LIMK1: variants seen among roughly 807,000 people sequenced by gnomAD.
LIMK1 encodes LIM motif-containing protein kinase.
LIMK1 carries 21 observed loss-of-function variants against 77.6 expected under a neutral mutation model. That is an observed-to-expected ratio of 0.27 (90% CI 0.19 to 0.39). The LOEUF (loss-of-function observed/expected upper bound fraction) is 0.39, where lower values mean the gene tolerates loss of function less well. Ranked by LOEUF, LIMK1 falls within the 10% of genes least tolerant of loss-of-function variation. The pLI is 1.00. For missense variants in LIMK1, 696 were observed against 901.6 expected, an observed-to-expected ratio of 0.77 and a Z score of 2.92; for synonymous variants, 358 against 370.0, an observed-to-expected ratio of 0.97 and a Z score of 0.37.
chr7:74,105,308 G>A (rs1258092227), intron 5 of LIMK1, among the ~76,000 whole-genome samples: 5 of 152,022 alleles, frequency 3.3e-5, no homozygotes, highest in East Asian at 1.9e-4. Context: ...TCAGGAGTTC[G>A]AGACCAGCCT....
chr7:74,106,198 C>T lies in LIMK1; in HGVS notation c.836C>T (p.Thr279Ile). Residue 279 changes from threonine to isoleucine, a missense_variant, in exon 7 of 16, where the codon ACT (threonine) becomes ATT (isoleucine). Thr to Ile is a moderately conservative substitution (Grantham distance 89). This residue lies in a region of LIMK1 where 438 missense variants were observed against 602.3 expected (regional missense o/e 0.73). Coordinates refer to ENST00000336180, the MANE Select transcript of LIMK1 (RefSeq NM_002314.4). Reference protein sequence around the residue: ...ETSPLSSPAYTPSGEAGSSAR... With the variant: ...ETSPLSSPAYIPSGEAGSSAR... Reference sequence around the variant, plus strand: ...AGCCCCCTGAGCTCTCCGGCTTATACTCCCAGCGGGGAGGCGGGCAGCTCT... The same window carrying T: ...AGCCCCCTGAGCTCTCCGGCTTATATTCCCAGCGGGGAGGCGGGCAGCTCT... The T allele has an allele frequency of 6.2e-7, 1 of 1,613,920 alleles. No homozygotes were observed. The highest frequency in any genetic ancestry group is 1.1e-5 in the South Asian group (1 of 91,086).
At chr7:74,117,659 C>T (rs1476483909) in intron 13 of LIMK1, among the ~76,000 whole-genome samples, 1 of 152,110 alleles carries the variant, frequency 6.6e-6, no homozygotes, top group Non-Finnish European at 1.5e-5. Flanking sequence ...TTAAATTAGC[C>T]TGGCATGTGG....
chr7:74,109,057 G>GCCACC, intron 10 of LIMK1, 21 bp downstream of exon 10: 2 of 1,592,742 alleles, frequency 1.3e-6, no homozygotes, highest in Non-Finnish European at 1.7e-6. Flanking sequence ...GGCAGAGCCA[G>GCCACC]CCACCCCCGC....
chr7:74,112,324 A>C (rs1799716223), intron 12 of LIMK1, among the ~76,000 whole-genome samples: 1 of 152,162 alleles, frequency 6.6e-6, no homozygotes, highest in African/African-American at 2.4e-5. Context: ...AGCACAGCCC[A>C]TGGCAGAGTG....
intron 2 of LIMK1, among the ~76,000 whole-genome samples, chr7:74,092,700 G>A (rs544526987): frequency 6.6e-6 from 1 of 152,326 alleles, no homozygotes; most frequent in South Asian, 2.1e-4. Flanking sequence ...CAGCTGGGTG[G>A]GCTGGCCCTG....
rs905638301 is a variant in LIMK1 at position 74,121,283 on chromosome 7, C to T, written c.1926C>T (p.His642=). ...GCGGCGAGAGCGGACTGCCTGCCCA[C>T]CCTGAGGTCCCCGACTGAGCCAGGG... ...YRRGESGLPA[H]PEVPD The change falls in exon 16 of 16, where the codon CAC becomes CAT. Residue 642 remains histidine (H), a synonymous_variant. Coordinates refer to ENST00000336180, the MANE Select transcript of LIMK1 (RefSeq NM_002314.4). The T allele has an allele frequency of 1.9e-6, 3 of 1,602,186 alleles. No individual in the cohort carries two copies. The highest frequency in any genetic ancestry group is 2.7e-5 in the African/African-American group (2 of 74,828).
At chr7:74,108,822 G>C in intron 9 of LIMK1, 83 bp from the exon 10 acceptor site, 1 of 1,552,434 alleles carries the variant, frequency 6.4e-7, no homozygotes, top group Non-Finnish European at 8.7e-7. Context: ...TACAGCCCCT[G>C]GTGGGATGGA....
At chr7:74,106,846 G>A (rs1799584376) in intron 7 of LIMK1, among the ~76,000 whole-genome samples, 164 bp from the exon 8 acceptor site, 1 of 152,236 alleles carries the variant, frequency 6.6e-6, no homozygotes. Context: ...CGAGACACTG[G>A]GATGGGCAGC....
chr7:74,099,799 A>T (rs1282317495), intron 5 of LIMK1, among the ~76,000 whole-genome samples: 4 of 151,954 alleles, frequency 2.6e-5, no homozygotes, highest in Non-Finnish European at 5.9e-5. Context: ...GTCTGATCCA[A>T]CAAGAAAGAG....
chr7:74,090,015 A>T lies in LIMK1; in HGVS notation c.152+4171A>T. On this transcript the variant is annotated intron_variant, in intron 2 of 15. Coordinates refer to ENST00000336180, the MANE Select transcript of LIMK1 (RefSeq NM_002314.4). ...CCTGTCCCAAATCACTCACCAGGAG[A>T]GGGGTGAGTCCCCAGGTCAGGGCAG... Among the ~76,000 whole-genome samples, 2 of 151,972 alleles carry T rather than the reference A, an allele frequency of 1.3e-5. 1 individual carries two copies. The highest frequency in any genetic ancestry group is 4.8e-5 in the African/African-American group (2 of 41,354).
In LIMK1 at chr7:74,096,666, A is replaced by C. The variant is rs143058870; in HGVS notation, c.197A>C (p.Lys66Thr). The change falls in exon 3 of 16, where the codon AAG becomes ACG. Residue 66 changes from lysine (K) to threonine (T), a missense_variant. Coordinates refer to ENST00000336180, the MANE Select transcript of LIMK1 (RefSeq NM_002314.4). ...TCCCTGTCGCACCAGTACTATGAGAAGGATGGGCAGCTCTTCTGCAAGAAG... is the reference window on the plus strand; with the variant it reads ...TCCCTGTCGCACCAGTACTATGAGACGGATGGGCAGCTCTTCTGCAAGAAG... ...SASLSHQYYE[K>T]DGQLFCKKDY... The C allele has an allele frequency of 4.7e-4, 764 of 1,613,962 alleles. 6 individuals are homozygous for C. Among genetic ancestry groups the C allele is most frequent in the Non-Finnish European group, 8.2e-5 (97 of 1,180,026 alleles).
rs377651618 is a variant in LIMK1 at position 74,116,713 on chromosome 7, TC to T, written c.1567+756del. On this transcript the variant is annotated intron_variant, in intron 13 of 15. Coordinates refer to ENST00000336180, the MANE Select transcript of LIMK1 (RefSeq NM_002314.4). ...GCTCTAACCTTCCTCCTTTTTTTTT[TC>T]TTTTTTAAAGAGGGTCTCGCTCTGT... 3.8e-3 allele frequency among the ~76,000 whole-genome samples: 549 copies of T among 142,796 alleles called. 10 individuals carry two copies. The highest frequency in any genetic ancestry group is 4.1e-3 in the Admixed American group (58 of 14,012). 93.7% of individuals were successfully genotyped at this position (142,796 alleles called of 152,430 possible). A position where few individuals can be genotyped will look rare whatever the true frequency, so the allele number is the denominator to read the frequency against.
Position 74,121,365 on chromosome 7 carries a change from G to A in LIMK1, c.*64G>A, listed in dbSNP as rs75206761. On this transcript the variant is annotated 3_prime_UTR_variant, in exon 16 of 16. Transcript: ENST00000336180. ...GAATCCACCCCCACCAGATTCCTCC[G>A]CGGGAGGTGGCCCTCAGCTGGGACA... 2.8e-3 allele frequency: 3,958 copies of A among 1,425,258 alleles called. 105 individuals are homozygous for A. The Admixed American group carries it at 0.06, about 22-fold the overall frequency. 88.3% of individuals were successfully genotyped at this position (1,425,258 alleles called of 1,614,324 possible).
At chr7:74,086,935 C>G (rs1799147261) in intron 2 of LIMK1, among the ~76,000 whole-genome samples, 2 of 152,154 alleles carry the variant, frequency 1.3e-5, no homozygotes, top group Non-Finnish European at 1.5e-5. Context: ...GACACACACC[C>G]ACAGGTAGGA....
In LIMK1 at chr7:74,087,731, A is replaced by G. The variant is rs191593291; in HGVS notation, c.152+1887A>G. Among the ~76,000 whole-genome samples, 372 of 152,192 alleles carry G rather than the reference A, an allele frequency of 2.4e-3. 1 individual carries two copies. Among genetic ancestry groups the G allele is most frequent in the African/African-American group, 7.7e-3 (321 of 41,534 alleles). On this transcript the variant is annotated intron_variant, in intron 2 of 15. Coordinates refer to ENST00000336180, the MANE Select transcript of LIMK1 (RefSeq NM_002314.4). ...CAGCCTCCCAAGTAGCTGGGATTAC[A>G]GGTGTGCACCACCACGCCCGGCTAA...
At position 74,120,663 on chromosome 7, in the gene LIMK1, G is replaced by A. The variant is rs781912810; in HGVS notation, c.1623+25G>A. ...GGTAGGTCCAGGGTTGGGTAGCAGC[G>A]GTGTTGAGGCCTGGGCTCCTCCCCA... On this transcript the variant is annotated intron_variant, in intron 14 of 15. Transcript: ENST00000336180. 87 of 1,613,202 alleles carry A rather than the reference G, an allele frequency of 5.4e-5. No homozygotes were observed. The South Asian group carries it at 7.6e-4, about 14-fold the overall frequency.
At chr7:74,101,687 T>C (rs1554696585) in intron 5 of LIMK1, among the ~76,000 whole-genome samples, 1 of 152,118 alleles carries the variant, frequency 6.6e-6, no homozygotes, top group Non-Finnish European at 1.5e-5. Flanking sequence ...GTTGACCGCT[T>C]TTCATTTTGT....
Position 74,111,654 on chromosome 7 carries a change from C to T in LIMK1, c.1291C>T (p.Gln431Ter). 1 of 1,613,026 alleles carries T rather than the reference C, an allele frequency of 6.2e-7. No individual in the cohort carries two copies. Among genetic ancestry groups the T allele is most frequent in the Non-Finnish European group, 8.5e-7 (1 of 1,179,568 alleles). The change falls in exon 11 of 16, where the codon CAG (glutamine) becomes TAG (stop). Residue 431 changes from glutamine to a stop codon, truncating the protein, a stop_gained. Transcript: ENST00000336180. LOFTEE classifies it high-confidence loss of function. ...CATTCTTTCTCCATCCCAGGACAGC[C>T]AGTACCCATGGAGCCAGAGAGTGAG... The part of the protein sequence containing the change: ...LRGIIKSMDS[Q>*]YPWSQRVSFA...
intron 13 of LIMK1, 28 bp from the exon 14 acceptor site, chr7:74,120,555 T>C: frequency 6.2e-7 from 1 of 1,613,724 alleles, no homozygotes. Flanking sequence ...CATGTGTTCA[T>C]CTGCTGACAG....
Sources: allele counts gnomAD v4.1 joint callset (sites outside exome capture counted in the v4.1 genomes callset), GRCh38; gene constraint gnomAD v4.1.1; regional missense constraint gnomAD v4.1.1; transcripts MANE v1.5; gene names NCBI Gene and HGNC (gene_info 2026-07-23, HGNC 2026-07-21).